The following ZNF277 variants were observed in gnomAD, a reference collection of about 807,000 sequenced individuals.
ZNF277 encodes zinc finger protein 277, also known as nuclear receptor-interacting factor 4.
Under a neutral mutation model 60.7 loss-of-function variants are expected in ZNF277, and 55 were observed. The ratio of observed to expected loss-of-function variants is 0.91; its 90% CI spans 0.73 to 1.13. The LOEUF (loss-of-function observed/expected upper bound fraction) is 1.13, where lower values mean the gene tolerates loss of function less well. Ranked by LOEUF, ZNF277 falls within the 50% of genes most tolerant of loss-of-function variation. The probability of loss-of-function intolerance (pLI) is 0.00; values close to 1 mark genes in which losing one functional copy is unlikely to be tolerated. For synonymous variants in ZNF277, 178 were observed against 179.3 expected (o/e 0.99, Z 0.06); for missense variants, 510 against 523.0 (o/e 0.98, Z 0.24).
chr7:112,261,993 A>G (rs1791446760), intron 1 of ZNF277, among the ~76,000 whole-genome samples: 1 of 152,074 alleles, frequency 6.6e-6, no homozygotes, highest in Non-Finnish European at 1.5e-5. Context: ...CTTCTATTAA[A>G]CATTGATTCT....
rs1793480983 is a variant in ZNF277, at chr7:112,343,357, T to C, written c.*628T>C. ...GACATCAAGCCAGTTAACTTCACTT[T>C]TCCCTGCAATTTGTATGTCACTAAC... On this transcript the variant is annotated 3_prime_UTR_variant, in exon 12 of 12. Transcript: ENST00000361822. Among the ~76,000 whole-genome samples, 1 of 152,210 alleles carries C rather than the reference T, an allele frequency of 6.6e-6. No individual in the cohort carries two copies. The highest frequency in any genetic ancestry group is 2.1e-4 in the South Asian group (1 of 4,834).
chr7:112,228,282 T>C (rs1167984412), intron 1 of ZNF277, among the ~76,000 whole-genome samples: 8 of 152,066 alleles, frequency 5.3e-5, no homozygotes, highest in African/African-American at 1.9e-4. Context: ...AAAGACCCTA[T>C]TTCCAAATAA....
At chr7:112,311,424 T>G (rs1792730346) in intron 4 of ZNF277, among the ~76,000 whole-genome samples, 1 of 152,156 alleles carries the variant, frequency 6.6e-6, no homozygotes, top group Non-Finnish European at 1.5e-5. Context: ...ATCAGCTTCT[T>G]TGAGAGGCTC....
chr7:112,207,702 G>T (rs1046750819), intron 1 of ZNF277, among the ~76,000 whole-genome samples: 2 of 149,500 alleles, frequency 1.3e-5, no homozygotes, highest in Non-Finnish European at 1.5e-5. Context: ...GTCTTTTTCT[G>T]ATGAACATGG....
chr7:112,262,741 GTTATATT>G (rs1391328457), intron 1 of ZNF277, among the ~76,000 whole-genome samples: 1 of 151,918 alleles, frequency 6.6e-6, no homozygotes, highest in Non-Finnish European at 1.5e-5. Flanking sequence ...CATTTAAGAA[GTTATATT>G]TTATATTTGT....
intron 1 of ZNF277, among the ~76,000 whole-genome samples, chr7:112,240,169 G>A (rs181303937): frequency 1.1e-3 from 174 of 152,156 alleles, no homozygotes; most frequent in African/African-American, 3.9e-3. Context: ...TTATGAACAC[G>A]AAGACTAGAA....
intron 2 of ZNF277, among the ~76,000 whole-genome samples, chr7:112,295,290 T>A (rs936059685): frequency 2.6e-5 from 4 of 152,202 alleles, no homozygotes; most frequent in African/African-American, 9.6e-5. Flanking sequence ...TGCTTCTAAC[T>A]CTGCTCATTA....
intron 1 of ZNF277, among the ~76,000 whole-genome samples, chr7:112,278,445 C>T (rs1358191055): frequency 6.6e-6 from 1 of 152,160 alleles, no homozygotes; most frequent in Non-Finnish European, 1.5e-5. Flanking sequence ...CATCTCTCTT[C>T]ATCCTCAAAC....
intron 4 of ZNF277, among the ~76,000 whole-genome samples, chr7:112,300,701 T>G (rs951798091): frequency 2.6e-5 from 4 of 152,224 alleles, no homozygotes; most frequent in Non-Finnish European, 5.9e-5. Context: ...CATTTGGATT[T>G]CCAGTCCACA....
At chr7:112,330,317 C>G (rs762114526) in intron 7 of ZNF277, 101 bp downstream of exon 7, 4 of 1,233,592 alleles carry the variant, frequency 3.2e-6, no homozygotes, top group Non-Finnish European at 4.6e-6. Flanking sequence ...TTGCAAAAGT[C>G]AAAATGTAAT....
chr7:112,265,920 G>A (rs1269010833), intron 1 of ZNF277, among the ~76,000 whole-genome samples: 1 of 152,236 alleles, frequency 6.6e-6, no homozygotes, highest in South Asian at 2.1e-4. Flanking sequence ...CATTTTGAAT[G>A]AGAGGAGATG....
intron 4 of ZNF277, among the ~76,000 whole-genome samples, chr7:112,317,543 A>G: frequency 6.6e-6 from 1 of 152,078 alleles, no homozygotes; most frequent in Non-Finnish European, 1.5e-5. Flanking sequence ...GAAAAATAAC[A>G]TATGGAACCA....
chr7:112,316,495 T>C (rs1463589487), intron 4 of ZNF277, among the ~76,000 whole-genome samples: 3 of 152,160 alleles, frequency 2.0e-5, no homozygotes, highest in Non-Finnish European at 4.4e-5. Flanking sequence ...GCAAAAATTT[T>C]CTCCCGTTCT....
chr7:112,212,640 G>A (rs1247921546), intron 1 of ZNF277, among the ~76,000 whole-genome samples: 1 of 152,176 alleles, frequency 6.6e-6, no homozygotes, highest in Non-Finnish European at 1.5e-5. Flanking sequence ...CTTTGATACT[G>A]TATTCACTTA....
At chr7:112,235,599 T>A (rs1172887417) in intron 1 of ZNF277, among the ~76,000 whole-genome samples, 5 of 152,062 alleles carry the variant, frequency 3.3e-5, no homozygotes, top group Non-Finnish European at 7.4e-5. Context: ...CATTTTTGAA[T>A]TGGGTTATTT....
intron 5 of ZNF277, among the ~76,000 whole-genome samples, chr7:112,325,376 G>A (rs904819777): frequency 6.6e-6 from 1 of 152,150 alleles, no homozygotes; most frequent in Non-Finnish European, 1.5e-5. Context: ...CCTTCACTCA[G>A]TCTCCTTCCA....
chr7:112,324,390 ATAATT>A (rs1793053775), intron 5 of ZNF277, among the ~76,000 whole-genome samples: 1 of 152,226 alleles, frequency 6.6e-6, no homozygotes, highest in Admixed American at 6.5e-5. Flanking sequence ...AGTTGCAATA[ATAATT>A]TAAACTGTTA....
At chr7:112,290,809 T>C (rs1191533394) in intron 2 of ZNF277, among the ~76,000 whole-genome samples, 1 of 152,176 alleles carries the variant, frequency 6.6e-6, no homozygotes, top group East Asian at 1.9e-4. Flanking sequence ...CAAAGTTAAG[T>C]TGGAATCTTT....
intron 1 of ZNF277, among the ~76,000 whole-genome samples, chr7:112,249,556 G>A (rs935109970): frequency 3.9e-5 from 6 of 152,044 alleles, no homozygotes; most frequent in Non-Finnish European, 8.8e-5. Context: ...TGGATGATGT[G>A]TTCAAGCACA....
Sources: allele counts gnomAD v4.1 joint callset (sites outside exome capture counted in the v4.1 genomes callset), GRCh38; gene constraint gnomAD v4.1.1; transcripts MANE v1.5; gene names NCBI Gene and HGNC (gene_info 2026-07-23, HGNC 2026-07-21).